Variants in CEP112 observed in about 807,000 individuals in gnomAD.
CEP112 encodes the protein centrosomal protein 112.
In CEP112, 127 loss-of-function variants were observed where a neutral mutation model predicts 153.0. The ratio of observed to expected loss-of-function variants is 0.83; its 90% CI spans 0.72 to 0.96. The LOEUF is 0.96. CEP112 is among the 40% of genes least tolerant of loss of function. The pLI is 0.00. For synonymous variants in CEP112, 358 were observed against 374.4 expected, an observed-to-expected ratio of 0.96 and a Z score of 0.51; for missense variants, 1,089 against 1,101.2, an observed-to-expected ratio of 0.99 and a Z score of 0.16.
At chr17:66,161,662 A>T (rs986420471) in intron 4 of CEP112, among the ~76,000 whole-genome samples, 3 of 152,076 alleles carry the variant, frequency 2.0e-5, no homozygotes, top group African/African-American at 7.2e-5. Context: ...GGAGGGGAAC[A>T]TCACACACCG....
At chr17:65,770,281 A>T (rs2053263667) in intron 21 of CEP112, among the ~76,000 whole-genome samples, 1 of 152,058 alleles carries the variant, frequency 6.6e-6, no homozygotes, top group Non-Finnish European at 1.5e-5. Flanking sequence ...TTAAAAAGAC[A>T]GGAATCAATG....
At chr17:65,656,282 G>C (rs138725254) in intron 24 of CEP112, among the ~76,000 whole-genome samples, 1 of 152,130 alleles carries the variant, frequency 6.6e-6, no homozygotes, top group African/African-American at 2.4e-5. Context: ...GTGAACTGAG[G>C]GTTTTGGCAA....
chr17:65,783,377 T>C (rs982803700), intron 21 of CEP112, among the ~76,000 whole-genome samples: 2 of 152,294 alleles, frequency 1.3e-5, no homozygotes, highest in South Asian at 4.1e-4. Flanking sequence ...GAAAACAGTT[T>C]GGAAGTTTTT....
chr17:65,955,208 T>A (rs2061963340), intron 18 of CEP112, among the ~76,000 whole-genome samples: 1 of 152,206 alleles, frequency 6.6e-6, no homozygotes, highest in Non-Finnish European at 1.5e-5. Flanking sequence ...GGGTCTTATT[T>A]TTAGTTTCCT....
At chr17:66,040,524 C>T (rs1454720283) in intron 12 of CEP112, among the ~76,000 whole-genome samples, 3 of 120,598 alleles carry the variant, frequency 2.5e-5, no homozygotes, top group African/African-American at 9.8e-5. Context: ...CAGAGTCTTG[C>T]TGTGCTCTGT....
chr17:66,170,085 C>A (rs772850654), intron 4 of CEP112, among the ~76,000 whole-genome samples: 1 of 152,234 alleles, frequency 6.6e-6, no homozygotes, highest in Middle Eastern at 3.4e-3. Flanking sequence ...AACCAGCAAA[C>A]GGAATGACAG....
At chr17:65,949,297 T>G (rs1454750899) in intron 18 of CEP112, among the ~76,000 whole-genome samples, 3 of 152,226 alleles carry the variant, frequency 2.0e-5, no homozygotes, top group Non-Finnish European at 4.4e-5. Context: ...GGTGCTTTCT[T>G]TATTTCAGAA....
rs117177336 is a variant in CEP112, at chr17:65,950,705, G to A, written c.1872+10758C>T. On this transcript the variant is annotated intron_variant, in intron 18 of 26. Coordinates refer to ENST00000535342, the MANE Select transcript of CEP112 (RefSeq NM_001199165.4). ...TTCCATTCTGGATACATTACTAGTA[G>A]TAGTAGTAGTAGTAGTAGTAGTAGT... 9.4e-4 allele frequency among the ~76,000 whole-genome samples: 59 copies of A among 62,574 alleles called. 1 individual carries two copies. The Admixed American group carries it at 0.01, about 11-fold the overall frequency. The allele number at this position is 62,574 out of a possible 152,430, so 41.1% of individuals were successfully genotyped here.
At chr17:65,979,780 A>G (rs888862364) in intron 17 of CEP112, among the ~76,000 whole-genome samples, 1 of 152,166 alleles carries the variant, frequency 6.6e-6, no homozygotes, top group Admixed American at 6.5e-5. Flanking sequence ...TCTTTAATAT[A>G]TAATAAACAT....
chr17:65,891,356 C>T (rs927622288), intron 20 of CEP112, among the ~76,000 whole-genome samples: 2 of 152,142 alleles, frequency 1.3e-5, no homozygotes, highest in African/African-American at 2.4e-5. Flanking sequence ...ATATCCAACT[C>T]GCTGTCTGAC....
At chr17:65,666,685 T>G (rs1460660793) in intron 24 of CEP112, among the ~76,000 whole-genome samples, 4 of 152,174 alleles carry the variant, frequency 2.6e-5, no homozygotes, top group African/African-American at 9.7e-5. Context: ...ATAACGAAAT[T>G]GCTTTGCAAA....
intron 21 of CEP112, among the ~76,000 whole-genome samples, chr17:65,850,247 G>A (rs763269926): frequency 1.2e-4 from 18 of 151,856 alleles, no homozygotes; most frequent in Non-Finnish European, 1.9e-4. Context: ...TGCTGTGAGG[G>A]AATTATCACT....
intron 20 of CEP112, among the ~76,000 whole-genome samples, chr17:65,879,043 C>T (rs1290714743): frequency 6.6e-6 from 1 of 152,200 alleles, no homozygotes; most frequent in Non-Finnish European, 1.5e-5. Flanking sequence ...TCCATTTACA[C>T]AACAAATCAC....
At chr17:65,943,783 C>T (rs12944586) in intron 18 of CEP112, among the ~76,000 whole-genome samples, 72,821 of 151,928 alleles carry the variant, frequency 0.48, 18,441 homozygotes, top group East Asian at 0.89. Flanking sequence ...TAAGTTCTCC[C>T]GGATGATATC....
intron 17 of CEP112, among the ~76,000 whole-genome samples, chr17:65,981,344 AT>A (rs747313931): frequency 3.9e-5 from 6 of 152,178 alleles, no homozygotes; most frequent in Non-Finnish European, 8.8e-5. Context: ...TATGAAACTT[AT>A]TTTCTGAGTC....
At chr17:66,152,788 G>C (rs1310567749) in intron 4 of CEP112, among the ~76,000 whole-genome samples, 1 of 152,146 alleles carries the variant, frequency 6.6e-6, no homozygotes, top group African/African-American at 2.4e-5. Context: ...GAATTGTTAT[G>C]AACTAGTGAC....
chr17:66,019,504 T>G (rs1342510886), intron 16 of CEP112, among the ~76,000 whole-genome samples: 1 of 152,106 alleles, frequency 6.6e-6, no homozygotes, highest in Non-Finnish European at 1.5e-5. Context: ...GATGTCAATG[T>G]AAAAGGGGGA....
intron 24 of CEP112, among the ~76,000 whole-genome samples, chr17:65,642,925 T>C (rs2045223329): frequency 6.6e-6 from 1 of 152,252 alleles, no homozygotes; most frequent in Admixed American, 6.5e-5. Context: ...TTTTATTCTG[T>C]ATTTTACTAC....
chr17:66,074,532 G>A (rs1030854207), intron 8 of CEP112, among the ~76,000 whole-genome samples: 1 of 151,930 alleles, frequency 6.6e-6, no homozygotes, highest in African/African-American at 2.4e-5. Flanking sequence ...AGAAAACAAC[G>A]CCTAGAAACA....
Sources: allele counts gnomAD v4.1 joint callset (sites outside exome capture counted in the v4.1 genomes callset), GRCh38; gene constraint gnomAD v4.1.1; transcripts MANE v1.5; gene names NCBI Gene and HGNC (gene_info 2026-07-23, HGNC 2026-07-21).